The following KRT20 variants were observed in gnomAD, a reference collection of about 807,000 sequenced individuals.
The protein encoded by KRT20 is keratin 20, also known as keratin, type I cytoskeletal 20.
KRT20 carries 41 observed loss-of-function variants against 43.0 expected under a neutral mutation model. The observed-to-expected ratio is 0.95, with a 90% confidence interval of 0.74 to 1.24. The LOEUF is 1.24. Ranked by LOEUF, KRT20 falls within the 50% of genes most tolerant of loss-of-function variation. The probability of loss-of-function intolerance (pLI) is 0.00; values close to 1 mark genes in which losing one functional copy is unlikely to be tolerated. For synonymous variants in KRT20, 207 were observed against 200.6 expected (o/e 1.03, Z -0.27); for missense variants, 533 against 521.2 (o/e 1.02, Z -0.22).
intron 5 of KRT20, among the ~76,000 whole-genome samples, chr17:40,879,209 G>A (rs1465987411): frequency 2.6e-5 from 4 of 152,254 alleles, no homozygotes; most frequent in African/African-American, 7.2e-5. Flanking sequence ...CACGGTGGAT[G>A]TAGTATCATG....
Position 40,880,709 on chromosome 17 carries a change from C to A in KRT20, c.535G>T (p.Val179Phe). The change falls in exon 3 of 8, where the codon GTC becomes TTC. Residue 179 changes from valine to phenylalanine, a missense_variant. By Grantham distance (50) the Val-to-Phe change is conservative (BLOSUM62 -1). Coordinates refer to ENST00000167588, the MANE Select transcript of KRT20 (RefSeq NM_019010.3). ...VEADLQGLNKVFDDLTLHKTD... is the reference protein window; with the variant it reads ...VEADLQGLNKFFDDLTLHKTD... ...TTATGTAGGGTTAGGTCATCAAAGACCTTATTCAGGCCTTGGAGATCAGCT... is the reference window on the plus strand; with the variant it reads ...TTATGTAGGGTTAGGTCATCAAAGAACTTATTCAGGCCTTGGAGATCAGCT... 6.2e-7 allele frequency: 1 copy of A among 1,605,222 alleles called. No homozygotes were observed. Among genetic ancestry groups the A allele is most frequent in the Non-Finnish European group, 8.5e-7 (1 of 1,176,040 alleles).
chr17:40,878,532 C>T (rs1252384448), intron 5 of KRT20, among the ~76,000 whole-genome samples, 167 bp from the exon 6 acceptor site: 1 of 152,202 alleles, frequency 6.6e-6, no homozygotes, highest in Non-Finnish European at 1.5e-5. Flanking sequence ...CTCAGCCAGC[C>T]AGCTAGGATC....
At chr17:40,877,022 A>C (rs890593168) in intron 7 of KRT20, among the ~76,000 whole-genome samples, 1 of 152,194 alleles carries the variant, frequency 6.6e-6, no homozygotes, top group Non-Finnish European at 1.5e-5. Context: ...GGATGGATTA[A>C]TGTGGTTACC....
At chr17:40,877,277 A>G (rs558192236) in intron 7 of KRT20, 103 bp downstream of exon 7, 3 of 780,734 alleles carry the variant, frequency 3.8e-6, no homozygotes, top group African/African-American at 1.8e-5. Context: ...TCACAGCAGC[A>G]GAAAACAGAC....
intron 7 of KRT20, among the ~76,000 whole-genome samples, chr17:40,877,015 T>C (rs1178837304): frequency 6.6e-6 from 1 of 152,160 alleles, no homozygotes; most frequent in Admixed American, 6.5e-5. Context: ...CTCTCATGGA[T>C]GGATTAATGT....
At chr17:40,880,583 T>C (rs1420859067) in intron 3 of KRT20, 31 bp downstream of exon 3, 2 of 1,596,024 alleles carry the variant, frequency 1.3e-6, no homozygotes, top group Non-Finnish European at 1.7e-6. Flanking sequence ...CATTCCATTG[T>C]TTCCAATACC....
chr17:40,877,305 AC>A, intron 7 of KRT20, 74 bp downstream of exon 7: 1 of 1,003,700 alleles, frequency 1.0e-6, no homozygotes, highest in Non-Finnish European at 1.5e-6. Context: ...GCCTCACTTT[AC>A]TTTTTATCAG....
intron 1 of KRT20, 30 bp downstream of exon 1, chr17:40,884,766 A>G: frequency 6.3e-7 from 1 of 1,588,566 alleles, no homozygotes; most frequent in South Asian, 1.1e-5. Context: ...AGCTAAACAC[A>G]GAGTAGGAAA....
chr17:40,879,753 T>A lies in KRT20; in HGVS notation c.918+60A>T, dbSNP rs142805007. On this transcript the variant is annotated intron_variant, in intron 5 of 7. Transcript: ENST00000167588. ...TAGGTCTTTGCATTTCTATAGTTCCTAACAGAGGACCTTGGTAAACACATA... is the reference window on the plus strand; with the variant it reads ...TAGGTCTTTGCATTTCTATAGTTCCAAACAGAGGACCTTGGTAAACACATA... 4.9e-4 allele frequency: 784 copies of A among 1,597,688 alleles called. 4 individuals carry two copies. In the African/African-American group the frequency reaches 9.5e-3, roughly 19 times the overall value.
At chr17:40,883,257 T>C (rs1907678854) in intron 1 of KRT20, among the ~76,000 whole-genome samples, 3 of 152,224 alleles carry the variant, frequency 2.0e-5, no homozygotes, top group African/African-American at 4.8e-5. Flanking sequence ...TCACACCTTA[T>C]TGAGTGCCTT....
intron 6 of KRT20, 134 bp downstream of exon 6, chr17:40,878,011 C>G (rs774675461): frequency 5.2e-6 from 4 of 762,290 alleles, no homozygotes; most frequent in Non-Finnish European, 8.8e-6. Context: ...TTTTGTTGTT[C>G]GTGGTGAGGC....
rs114052934 is a variant in KRT20, at chr17:40,884,750, T to A, written c.390+46A>T. On this transcript the variant is annotated intron_variant, in intron 1 of 7. Transcript: ENST00000167588. The stretch of plus-strand genomic sequence containing the variant: ...CTAACATAGATAACCTCTTGATTTA[T>A]CTTGAAGCTAAACACAGAGTAGGAA... The A allele has an allele frequency of 9.5e-4, 1,493 of 1,568,070 alleles. 17 individuals are homozygous for A. In the African/African-American group the frequency reaches 0.018, roughly 18 times the overall value.
At position 40,882,608 on chromosome 17, in the gene KRT20, T is replaced by A; in HGVS notation, c.437A>T (p.Asp146Val). The stretch of plus-strand genomic sequence containing the variant: ...GTCCTCAGCAGCCAGTTTAGCATTA[T>A]CAATTTGCAGGACACACCGAGCATT... ...LQNARCVLQI[D>V]NAKLAAEDFR... The change falls in exon 2 of 8, where the codon GAT becomes GTT. Residue 146 changes from aspartate to valine, a missense_variant. Physicochemically the swap from Asp to Val is radical, Grantham distance 152. Transcript: ENST00000167588. The A allele has an allele frequency of 1.3e-6, 2 of 1,573,826 alleles. No homozygotes were observed. Among genetic ancestry groups the A allele is most frequent in the South Asian group, 2.4e-5 (2 of 84,862 alleles).
chr17:40,878,465 A>G (rs971573879), intron 5 of KRT20, 100 bp from the exon 6 acceptor site: 2 of 838,608 alleles, frequency 2.4e-6, no homozygotes, highest in Non-Finnish European at 3.8e-6. Context: ...GCAGTTCATC[A>G]CTGTGGGCAT....
intron 7 of KRT20, 70 bp downstream of exon 7, chr17:40,877,310 T>G (rs910809165): frequency 9.3e-6 from 10 of 1,070,168 alleles, no homozygotes; most frequent in Non-Finnish European, 1.1e-5. Flanking sequence ...ACTTTACTTT[T>G]TATCAGTGGC....
At chr17:40,880,395 G>A (rs554922074) in intron 3 of KRT20, 134 bp from the exon 4 acceptor site, 5 of 940,432 alleles carry the variant, frequency 5.3e-6, no homozygotes, top group Admixed American at 5.7e-5. Context: ...AATAACTTGT[G>A]TTGGGCTTAT....
chr17:40,878,828 G>A (rs929737987), intron 5 of KRT20, among the ~76,000 whole-genome samples: 5 of 149,440 alleles, frequency 3.3e-5, no homozygotes, highest in Admixed American at 3.3e-4. Context: ...TTGGGACGGA[G>A]TCTTGCTCTG....
Position 40,884,926 on chromosome 17 carries a change from T to C in KRT20, c.260A>G (p.Lys87Arg), listed in dbSNP as rs1478406336. The C allele has an allele frequency of 6.2e-7, 1 of 1,614,210 alleles. No homozygotes were observed. Among genetic ancestry groups the C allele is most frequent in the Admixed American group, 1.7e-5 (1 of 60,022 alleles). The change falls in exon 1 of 8, where the codon AAG becomes AGG. Residue 87 changes from lysine (K) to arginine (R), a missense_variant. By Grantham distance (26) the Lys-to-Arg change is conservative. Transcript: ENST00000167588. ...LNDRLASYLE[K>R]VRTLEQSNSK... ...GTTGGACTGCTCCAGGGTCCGCACC[T>C]TTTCTAGGTAGCTCGCTAGACGGTC...
At position 40,880,687 on chromosome 17, in the gene KRT20, T is replaced by C. The variant is rs1028594439; in HGVS notation, c.557A>G (p.His186Arg). ...LNKVFDDLTL[H>R]KTDLEIQIEE... ...AATTTGAATCTCCAAATCTGTTTTATGTAGGGTTAGGTCATCAAAGACCTT... is the reference window on the plus strand; with the variant it reads ...AATTTGAATCTCCAAATCTGTTTTACGTAGGGTTAGGTCATCAAAGACCTT... Residue 186 changes from histidine to arginine, a missense_variant, in exon 3 of 8, where the codon CAT becomes CGT. Coordinates refer to ENST00000167588, the MANE Select transcript of KRT20 (RefSeq NM_019010.3). 1.2e-6 allele frequency: 2 copies of C among 1,612,158 alleles called. No homozygotes were observed. The highest frequency in any genetic ancestry group is 1.6e-4 in the Middle Eastern group (1 of 6,072).
Sources: gnomAD v4.1 joint callset for allele counts (sites outside exome capture counted in the v4.1 genomes callset) on GRCh38, gnomAD v4.1.1 for gene constraint, MANE v1.5 for transcripts, NCBI Gene and HGNC (gene_info 2026-07-23, HGNC 2026-07-21) for gene names.